Variants in MROH1 observed in about 807,000 individuals in gnomAD.
MROH1 encodes maestro heat-like repeat-containing protein family member 1.
A neutral mutation model predicts 116.5 loss-of-function variants in MROH1; 117 were observed. The ratio of observed to expected loss-of-function variants is 1.00; its 90% CI spans 0.86 to 1.17. The LOEUF (loss-of-function observed/expected upper bound fraction) is 1.17. Among genes scored for constraint, MROH1 ranks in the 50% most tolerant of loss-of-function variants. The pLI is 0.00. For missense variants in MROH1, 1,873 were observed against 1,338.5 expected, an observed-to-expected ratio of 1.40 and a Z score of -6.23; for synonymous variants, 921 against 583.9, an observed-to-expected ratio of 1.58 and a Z score of -8.32.
At chr8:144,227,805 T>C (rs80233119) in intron 14 of MROH1, among the ~76,000 whole-genome samples, 2 of 151,740 alleles carry the variant, frequency 1.3e-5, no homozygotes, top group Admixed American at 6.6e-5. Context: ...AAAAAAAAAT[T>C]AGCTGGGCCT....
intron 14 of MROH1, among the ~76,000 whole-genome samples, chr8:144,234,994 G>A (rs1839818213): frequency 6.8e-6 from 1 of 146,566 alleles, no homozygotes. Flanking sequence ...CCAGGTTCAA[G>A]CAGTTCTCAT....
At chr8:144,172,361 G>A (rs553033837) in intron 4 of MROH1, among the ~76,000 whole-genome samples, 110 of 151,128 alleles carry the variant, frequency 7.3e-4, no homozygotes, top group African/African-American at 1.4e-3. Flanking sequence ...TAATTCAGGC[G>A]TTTCTGTCTG....
chr8:144,260,946 G>T lies in MROH1; in HGVS notation c.4576G>T (p.Ala1526Ser). The change falls in exon 41 of 44, where the codon GCA (alanine) becomes TCA (serine). Residue 1526 changes from alanine (A) to serine (S), a missense_variant. By Grantham distance (99) the Ala-to-Ser change is moderately conservative. Coordinates refer to ENST00000326134, the MANE Select transcript of MROH1 (RefSeq NM_032450.3). ...FALRMCGPNLACEELSAAFQK... is the reference protein window; with the variant it reads ...FALRMCGPNLSCEELSAAFQK... ...CCTGCGCATGTGTGGCCCCAATCTG[G>T]CATGTGAGGAGCTCTCAGCTGCTTT... 1 of 777,736 alleles carries T rather than the reference G, an allele frequency of 1.3e-6. No individual in the cohort carries two copies. The highest frequency in any genetic ancestry group is 2.4e-6 in the Non-Finnish European group (1 of 417,762). The allele number at this position is 777,736 out of a possible 1,614,324, so 48.2% of individuals were successfully genotyped here. A position where few individuals can be genotyped will look rare whatever the true frequency, so the allele number is the denominator to read the frequency against.
At chr8:144,222,601 G>A (rs531460640) in intron 13 of MROH1, among the ~76,000 whole-genome samples, 1 of 152,162 alleles carries the variant, frequency 6.6e-6, no homozygotes, top group Non-Finnish European at 1.5e-5. Flanking sequence ...TGTGGATGCA[G>A]GTAATTATAG....
intron 29 of MROH1, among the ~76,000 whole-genome samples, chr8:144,245,986 G>A (rs2133042608): frequency 6.6e-6 from 1 of 151,946 alleles, no homozygotes; most frequent in East Asian, 2.0e-4. Context: ...TTTTGTTAAT[G>A]CACCAAAACT....
At chr8:144,199,794 C>T (rs1487533494) in intron 11 of MROH1, among the ~76,000 whole-genome samples, 4 of 152,196 alleles carry the variant, frequency 2.6e-5, no homozygotes, top group African/African-American at 9.6e-5. Flanking sequence ...TCAGGCCCCC[C>T]ACCTACATGA....
At chr8:144,218,400 C>G (rs1043587806) in intron 12 of MROH1, among the ~76,000 whole-genome samples, 10 of 152,174 alleles carry the variant, frequency 6.6e-5, no homozygotes, top group Admixed American at 2.0e-4. Context: ...TGCACCTATT[C>G]CAGTCAGGCC....
chr8:144,167,506 G>T, intron 3 of MROH1, among the ~76,000 whole-genome samples: 1 of 141,502 alleles, frequency 7.1e-6, no homozygotes, highest in African/African-American at 2.7e-5. Flanking sequence ...AGAGTGGCCG[G>T]TTGTTGGGGT....
In MROH1 at chr8:144,250,283, C is replaced by G; in HGVS notation, c.3345C>G (p.Ala1115=). 1 of 767,586 alleles carries G rather than the reference C, an allele frequency of 1.3e-6. No homozygotes were observed. The highest frequency in any genetic ancestry group is 1.4e-5 in the South Asian group (1 of 73,246). The allele number at this position is 767,586 out of a possible 1,614,324, so 47.5% of individuals were successfully genotyped here. The change falls in exon 33 of 44, where the codon GCC becomes GCG. Residue 1115 remains alanine, a synonymous_variant. Transcript: ENST00000326134. ...AGGGAGAGCACGTCCTGCCGGCCGC[C>G]CAGCACAGCGTGTACCTCCTGGCCA... The part of the protein sequence containing the change: ...EAQGEHVLPA[A]QHSVYLLATQ...
Position 144,259,339 on chromosome 8 carries a change from C to T in MROH1, c.4029C>T (p.Thr1343=), listed in dbSNP as rs1395615299. ...ATGAGAACCAGAGGGTGACCACCAC[C>T]GCCTTCCTGGCCGAGGTAGGCCCTT... ...SAYENQRVTT[T]AFLAELLNSN... Residue 1343 remains threonine (T), a synonymous_variant, in exon 37 of 44, where the codon ACC becomes ACT. Transcript: ENST00000326134. 22 of 715,060 alleles carry T rather than the reference C, an allele frequency of 3.1e-5. No individual in the cohort carries two copies. Among genetic ancestry groups the T allele is most frequent in the South Asian group, 4.4e-5 (3 of 67,514 alleles). 44.3% of individuals were successfully genotyped at this position (715,060 alleles called of 1,614,324 possible).
chr8:144,260,833 G>A lies in MROH1; in HGVS notation c.4536+1G>A, dbSNP rs1844903500. 2.6e-6 allele frequency: 2 copies of A among 777,724 alleles called. No homozygotes were observed. Among genetic ancestry groups the A allele is most frequent in the Non-Finnish European group, 4.8e-6 (2 of 417,578 alleles). The allele number at this position is 777,724 out of a possible 1,614,324, so 48.2% of individuals were successfully genotyped here. On this transcript the variant is annotated splice_donor_variant, in intron 40 of 43. Coordinates refer to ENST00000326134, the MANE Select transcript of MROH1 (RefSeq NM_032450.3). LOFTEE classifies it high-confidence loss of function. Reference sequence around the variant, plus strand: ...GGACCCTCAGGCCACCGTGGCCAGCGTGAGTAGCCAGGGGGTGAGTGGGAT... The same window carrying A: ...GGACCCTCAGGCCACCGTGGCCAGCATGAGTAGCCAGGGGGTGAGTGGGAT...
intron 1 of MROH1, among the ~76,000 whole-genome samples, chr8:144,152,349 ATGAT>A (rs1368230187): frequency 6.6e-6 from 1 of 151,878 alleles, no homozygotes; most frequent in African/African-American, 2.4e-5. Flanking sequence ...CATATATATT[ATGAT>A]TGGTTTATCA....
intron 10 of MROH1, among the ~76,000 whole-genome samples, chr8:144,197,417 C>CTTTTTTTTTTTTTTTTTTTTT (rs79749774): frequency 2.4e-5 from 1 of 42,500 alleles, no homozygotes; most frequent in African/African-American, 1.3e-4. Context: ...GCTGCAGCAT[C>CTTTTTTTTTTTTTTTTTTTTT]TTTTTTTTTT....
chr8:144,195,427 T>C (rs13272233), intron 10 of MROH1, among the ~76,000 whole-genome samples: 139,174 of 140,788 alleles, frequency 0.99, 68,802 homozygotes, highest in East Asian at 1. Flanking sequence ...GCATGAACCC[T>C]GGAGGGAGAG....
chr8:144,205,908 A>C (rs1257555906), intron 12 of MROH1, among the ~76,000 whole-genome samples: 1 of 152,182 alleles, frequency 6.6e-6, no homozygotes, highest in Non-Finnish European at 1.5e-5. Context: ...ATAAATCTTA[A>C]CTGTATACTT....
intron 43 of MROH1, 62 bp downstream of exon 43, chr8:144,261,411 G>A (rs1483895159): frequency 2.9e-6 from 2 of 700,324 alleles, no homozygotes; most frequent in East Asian, 2.7e-5. Flanking sequence ...CACCCGCAGG[G>A]ACTAAGTGAT....
At chr8:144,155,462 A>G (rs1817803119) in intron 1 of MROH1, among the ~76,000 whole-genome samples, 1 of 152,010 alleles carries the variant, frequency 6.6e-6, no homozygotes, top group Non-Finnish European at 1.5e-5. Context: ...AATTTTTTTG[A>G]TATCTCTAGA....
At chr8:144,227,206 A>G (rs1837974407) in intron 14 of MROH1, among the ~76,000 whole-genome samples, 1 of 152,184 alleles carries the variant, frequency 6.6e-6, no homozygotes, top group Non-Finnish European at 1.5e-5. Context: ...TTATTTGTAA[A>G]TCTGGGTTAG....
In MROH1 at chr8:144,261,679, C is replaced by G. The variant is rs992300324; in HGVS notation, c.4865C>G (p.Pro1622Arg). Residue 1622 changes from proline (P) to arginine (R), a missense_variant, in exon 44 of 44, where the codon CCG becomes CGG. By Grantham distance (103) the Pro-to-Arg change is moderately radical. Coordinates refer to ENST00000326134, the MANE Select transcript of MROH1 (RefSeq NM_032450.3). The stretch of plus-strand genomic sequence containing the variant: ...GCGCTCCAGATCCTGCTGAAGGACC[C>G]GGCCCCCGAGGTGCGGACGAGGGCT... ...IAALQILLKD[P>R]APEVRTRAAE... 2.8e-6 allele frequency: 2 copies of G among 726,796 alleles called. No homozygotes were observed. The highest frequency in any genetic ancestry group is 2.5e-6 in the Non-Finnish European group (1 of 399,460). The allele number at this position is 726,796 out of a possible 1,614,324, so 45.0% of individuals were successfully genotyped here.
Sources: gnomAD v4.1 joint callset for allele counts (sites outside exome capture counted in the v4.1 genomes callset) on GRCh38, gnomAD v4.1.1 for gene constraint, MANE v1.5 for transcripts, NCBI Gene and HGNC (gene_info 2026-07-23, HGNC 2026-07-21) for gene names.